The following SHANK2 variants were observed in gnomAD, a reference collection of about 807,000 sequenced individuals.
The protein encoded by SHANK2 is SH3 and multiple ankyrin repeat domains protein 2.
Under a neutral mutation model 133.7 loss-of-function variants are expected in SHANK2, and 43 were observed. The ratio of observed to expected loss-of-function variants is 0.32; its 90% CI spans 0.25 to 0.41. The LOEUF is 0.41. Among genes scored for constraint, SHANK2 ranks in the 10% least tolerant of loss-of-function variants. The probability of loss-of-function intolerance (pLI) is 1.00; values close to 1 mark genes in which losing one functional copy is unlikely to be tolerated. For synonymous variants in SHANK2, 1,017 were observed against 952.8 expected, an observed-to-expected ratio of 1.07 and a Z score of -1.24; for missense variants, 1,994 against 2,235.8, an observed-to-expected ratio of 0.89 and a Z score of 2.18.
At chr11:70,823,324 T>C (rs1354369131) in intron 11 of SHANK2, among the ~76,000 whole-genome samples, 2 of 69,046 alleles carry the variant, frequency 2.9e-5, no homozygotes, top group African/African-American at 5.9e-5. Flanking sequence ...GGTGGCAGAG[T>C]TAATGGGGGA....
intron 1 of SHANK2, among the ~76,000 whole-genome samples, chr11:71,225,344 C>T (rs376420419): frequency 6.6e-5 from 10 of 152,144 alleles, no homozygotes; most frequent in South Asian, 6.2e-4. Context: ...TCCCTGCCAG[C>T]GTGGCATCAA....
At chr11:70,579,561 T>C (rs1013166512) in intron 17 of SHANK2, among the ~76,000 whole-genome samples, 4 of 152,170 alleles carry the variant, frequency 2.6e-5, no homozygotes, top group Non-Finnish European at 5.9e-5. Flanking sequence ...ATGGCATGAA[T>C]GTAAGACAGG....
intron 17 of SHANK2, among the ~76,000 whole-genome samples, chr11:70,591,147 T>A (rs532333869): frequency 6.6e-6 from 1 of 151,988 alleles, no homozygotes; most frequent in African/African-American, 2.4e-5. Context: ...AGGTCAGGAG[T>A]TCGAGACCAA....
chr11:71,140,166 G>T (rs1258552187), intron 3 of SHANK2, among the ~76,000 whole-genome samples: 4 of 152,236 alleles, frequency 2.6e-5, no homozygotes, highest in Non-Finnish European at 4.4e-5. Context: ...CTCACACCCG[G>T]GGGATTTCTG....
intron 1 of SHANK2, among the ~76,000 whole-genome samples, chr11:71,242,220 G>A (rs1714061882): frequency 6.6e-6 from 1 of 152,104 alleles, no homozygotes; most frequent in East Asian, 1.9e-4. Flanking sequence ...TGGTCGCCAG[G>A]GGCTGGGAGA....
At chr11:70,618,585 A>G (rs1305278316) in intron 17 of SHANK2, among the ~76,000 whole-genome samples, 1 of 152,186 alleles carries the variant, frequency 6.6e-6, no homozygotes, top group Non-Finnish European at 1.5e-5. Context: ...ATTAAGTCAT[A>G]AAACACAAGG....
intron 10 of SHANK2, among the ~76,000 whole-genome samples, chr11:70,937,359 A>G (rs1950586280): frequency 6.6e-6 from 1 of 152,360 alleles, no homozygotes; most frequent in Non-Finnish European, 1.5e-5. Flanking sequence ...AAATGCCTTC[A>G]GTGATCACTG....
intron 14 of SHANK2, among the ~76,000 whole-genome samples, chr11:70,702,133 TCAC>T (rs1216970051): frequency 1.5e-5 from 2 of 136,384 alleles, no homozygotes; most frequent in Non-Finnish European, 1.5e-5. Context: ...CACCACATCA[TCAC>T]CACCATCTTC....
intron 14 of SHANK2, among the ~76,000 whole-genome samples, chr11:70,796,228 C>T (rs76940911): frequency 6.6e-6 from 1 of 152,116 alleles, no homozygotes; most frequent in East Asian, 1.9e-4. Flanking sequence ...CGGGAAAAGC[C>T]CACAGGAGAG....
chr11:70,885,195 G>GGGGAACCGCGCA lies in SHANK2; in HGVS notation c.1174+11294_1174+11305dup, dbSNP rs67792251. 5.9e-4 allele frequency among the ~76,000 whole-genome samples: 16 copies of GGGGAACCGCGCA among 26,958 alleles called. No individual in the cohort carries two copies. The Non-Finnish European group carries it at 0.012, about 20-fold the overall frequency. The allele number at this position is 26,958 out of a possible 152,430, so 17.7% of individuals were successfully genotyped here. ...AAGTGCCCTGGGAGCGCTGTATAGA[G>GGGGAACCGCGCA]GGGAACCGCGCAGGGACCGCATGGT... On this transcript the variant is annotated intron_variant, in intron 11 of 25. Transcript: ENST00000601538.
intron 14 of SHANK2, among the ~76,000 whole-genome samples, chr11:70,754,846 C>T (rs979625000): frequency 6.6e-6 from 1 of 152,112 alleles, no homozygotes; most frequent in Non-Finnish European, 1.5e-5. Context: ...GCTGACAAAA[C>T]CGAAGAGCTG....
At chr11:71,067,479 A>C (rs1237130145) in intron 9 of SHANK2, among the ~76,000 whole-genome samples, 4 of 152,298 alleles carry the variant, frequency 2.6e-5, no homozygotes, top group African/African-American at 9.6e-5. Flanking sequence ...GACAGATTAG[A>C]CACAATTTGA....
intron 15 of SHANK2, among the ~76,000 whole-genome samples, chr11:70,670,453 C>T (rs368107531): frequency 3.3e-5 from 5 of 152,308 alleles, no homozygotes; most frequent in East Asian, 1.9e-4. Flanking sequence ...GCGCTTTGGC[C>T]GCCGGGTGCG....
At chr11:71,220,972 A>ATG (rs1954524508) in intron 2 of SHANK2, among the ~76,000 whole-genome samples, 2 of 151,690 alleles carry the variant, frequency 1.3e-5, no homozygotes, top group African/African-American at 4.8e-5. Flanking sequence ...AGGCTGAGGC[A>ATG]GGTGGATCAC....
intron 17 of SHANK2, among the ~76,000 whole-genome samples, chr11:70,581,204 T>C (rs2060180034): frequency 6.6e-6 from 1 of 152,162 alleles, no homozygotes; most frequent in Non-Finnish European, 1.5e-5. Context: ...GAAGAAAAGC[T>C]CTTGTAGTCA....
intron 2 of SHANK2, among the ~76,000 whole-genome samples, chr11:71,164,519 TG>T (rs1555110440): frequency 6.6e-6 from 1 of 152,128 alleles, no homozygotes; most frequent in African/African-American, 2.4e-5. Flanking sequence ...CAATTCACAA[TG>T]GGGCCTCATG....
intron 1 of SHANK2, among the ~76,000 whole-genome samples, chr11:71,237,515 A>G (rs1954839281): frequency 6.6e-6 from 1 of 152,196 alleles, no homozygotes; most frequent in South Asian, 2.1e-4. Context: ...AGGTTAACTA[A>G]CACGACCCTC....
chr11:70,536,392 G>C (rs978066568), intron 17 of SHANK2, among the ~76,000 whole-genome samples: 1 of 152,184 alleles, frequency 6.6e-6, no homozygotes, highest in Non-Finnish European at 1.5e-5. Flanking sequence ...CTGTAGGCTG[G>C]AGGCCACTCC....
intron 17 of SHANK2, among the ~76,000 whole-genome samples, chr11:70,530,813 ATGGATAGTGG>A (rs2059457906): frequency 6.6e-6 from 1 of 152,116 alleles, no homozygotes; most frequent in Non-Finnish European, 1.5e-5. Context: ...AAGTTCTGAG[ATGGATAGTGG>A]TGACGATTGC....
Sources: allele counts gnomAD v4.1 joint callset (sites outside exome capture counted in the v4.1 genomes callset), GRCh38; gene constraint gnomAD v4.1.1; transcripts MANE v1.5; gene names NCBI Gene and HGNC (gene_info 2026-07-23, HGNC 2026-07-21).